Variants in RABGAP1L observed in about 807,000 individuals in gnomAD.
The protein encoded by RABGAP1L is RAB GTPase activating protein 1 like.
A neutral mutation model predicts 137.7 loss-of-function variants in RABGAP1L; 63 were observed. The ratio of observed to expected loss-of-function variants is 0.46; its 90% CI spans 0.37 to 0.56. The LOEUF is 0.56. Ranked by LOEUF, RABGAP1L falls within the 20% of genes least tolerant of loss-of-function variation. The pLI is 0.00. For synonymous variants in RABGAP1L, 431 were observed against 433.7 expected (o/e 0.99, Z 0.08); for missense variants, 1,095 against 1,244.0 (o/e 0.88, Z 1.80).
chr1:174,703,422 CTT>C (rs759228840), intron 17 of RABGAP1L, among the ~76,000 whole-genome samples: 3 of 151,878 alleles, frequency 2.0e-5, no homozygotes, highest in Non-Finnish European at 2.9e-5. Context: ...TGATTTTACT[CTT>C]TTTTTTGGCT....
At chr1:174,165,494 CTTT>C (rs36050303) in intron 1 of RABGAP1L, among the ~76,000 whole-genome samples, 3 of 140,050 alleles carry the variant, frequency 2.1e-5, no homozygotes, top group Admixed American at 7.2e-5. Context: ...ATTTGAACTA[CTTT>C]TTTTTTTTTT....
intron 14 of RABGAP1L, among the ~76,000 whole-genome samples, chr1:174,668,897 C>T (rs775379431): frequency 2.0e-5 from 3 of 151,974 alleles, no homozygotes; most frequent in African/African-American, 7.3e-5. Context: ...GCCATTTGTA[C>T]GTCTTCTTTT....
intron 4 of RABGAP1L, among the ~76,000 whole-genome samples, chr1:174,232,455 A>T (rs1230977053): frequency 1.3e-5 from 2 of 151,166 alleles, no homozygotes; most frequent in Non-Finnish European, 2.9e-5. Context: ...ACTGCACTCC[A>T]GTCTGGGTGA....
chr1:174,586,741 G>A (rs1291783163), intron 13 of RABGAP1L, among the ~76,000 whole-genome samples: 1 of 151,962 alleles, frequency 6.6e-6, no homozygotes, highest in Non-Finnish European at 1.5e-5. Flanking sequence ...GGTATTATAG[G>A]CATGCACACC....
At chr1:174,487,072 G>T (rs1445268057) in intron 13 of RABGAP1L, among the ~76,000 whole-genome samples, 1 of 151,948 alleles carries the variant, frequency 6.6e-6, no homozygotes. Flanking sequence ...TGATCCATGT[G>T]CTGAGGAAAA....
In RABGAP1L at chr1:174,537,658, A is replaced by G. The variant is rs903172526; in HGVS notation, c.1711-99717A>G. ...CCTGTACTACTATGGAGAGAGGTGTAGAGTGGTGCTACCTGAGAGCATAAC... is the reference window on the plus strand; with the variant it reads ...CCTGTACTACTATGGAGAGAGGTGTGGAGTGGTGCTACCTGAGAGCATAAC... On this transcript the variant is annotated intron_variant, in intron 13 of 25. Transcript: ENST00000681986. 3.9e-5 allele frequency among the ~76,000 whole-genome samples: 6 copies of G among 152,208 alleles called. 1 individual carries two copies. Among genetic ancestry groups the G allele is most frequent in the Non-Finnish European group, 5.9e-5 (4 of 68,018 alleles).
intron 14 of RABGAP1L, among the ~76,000 whole-genome samples, chr1:174,671,204 T>A (rs1677150947): frequency 6.6e-6 from 1 of 152,200 alleles, no homozygotes; most frequent in Non-Finnish European, 1.5e-5. Context: ...TTTACTAAAT[T>A]CATTTATTAG....
chr1:174,910,420 T>C (rs560007472), intron 19 of RABGAP1L, among the ~76,000 whole-genome samples: 2 of 152,198 alleles, frequency 1.3e-5, no homozygotes, highest in South Asian at 4.2e-4. Flanking sequence ...ACCTCAATAA[T>C]AAAGACCATA....
intron 13 of RABGAP1L, among the ~76,000 whole-genome samples, chr1:174,560,697 T>C (rs955661581): frequency 6.6e-6 from 1 of 152,190 alleles, no homozygotes; most frequent in Non-Finnish European, 1.5e-5. Flanking sequence ...AAGTAGTTTT[T>C]TGGCCATCCT....
intron 1 of RABGAP1L, among the ~76,000 whole-genome samples, chr1:174,178,824 G>A (rs1434922897): frequency 6.6e-6 from 1 of 152,152 alleles, no homozygotes; most frequent in Non-Finnish European, 1.5e-5. Flanking sequence ...ACATACTGGG[G>A]CCTATTGGGG....
At chr1:174,345,023 C>A (rs1394053158) in intron 11 of RABGAP1L, among the ~76,000 whole-genome samples, 1 of 152,164 alleles carries the variant, frequency 6.6e-6, no homozygotes, top group Non-Finnish European at 1.5e-5. Flanking sequence ...ATTTTCCCAG[C>A]ACCATTTATT....
At chr1:174,863,659 C>T (rs1272551187) in intron 19 of RABGAP1L, among the ~76,000 whole-genome samples, 12 of 138,690 alleles carry the variant, frequency 8.7e-5, no homozygotes, top group African/African-American at 2.7e-4. Context: ...GGTGACAGAG[C>T]GAGACTCCGT....
In RABGAP1L at chr1:174,761,578, A is replaced by AT. The variant is rs2148703705; in HGVS notation, c.2211+9229dup. ...GGGCCGCCTAGCAGAGGCGCTCCTC[A>AT]TTTTTCAGACGGTGCGGCCGCCAGG... On this transcript the variant is annotated intron_variant, in intron 18 of 25. Transcript: ENST00000681986. The surrounding 1 kb of genome is among the most constrained non-coding windows in gnomAD (Gnocchi z 4.0). 6.6e-6 allele frequency among the ~76,000 whole-genome samples: 1 copy of AT among 152,118 alleles called. No homozygotes were observed. The highest frequency in any genetic ancestry group is 1.9e-4 in the East Asian group (1 of 5,168).
intron 18 of RABGAP1L, among the ~76,000 whole-genome samples, chr1:174,792,238 C>G (rs1265274148): frequency 6.6e-6 from 1 of 152,144 alleles, no homozygotes; most frequent in Non-Finnish European, 1.5e-5. Context: ...GGTTTCATTA[C>G]TTTATTATTC....
At chr1:174,602,085 C>G (rs1670458849) in intron 13 of RABGAP1L, among the ~76,000 whole-genome samples, 2 of 152,180 alleles carry the variant, frequency 1.3e-5, no homozygotes, top group South Asian at 4.1e-4. Context: ...CTGTTCCAAC[C>G]TCTACCTGTT....
At chr1:174,642,889 A>G (rs1249135443) in intron 14 of RABGAP1L, among the ~76,000 whole-genome samples, 1 of 151,386 alleles carries the variant, frequency 6.6e-6, no homozygotes, top group Non-Finnish European at 1.5e-5. Flanking sequence ...GGCTCAAGCA[A>G]TCCTCCCACC....
intron 13 of RABGAP1L, among the ~76,000 whole-genome samples, chr1:174,415,799 A>G (rs903857155): frequency 7.9e-5 from 12 of 151,734 alleles, no homozygotes; most frequent in Non-Finnish European, 1.8e-4. Context: ...TTCTTTCTTT[A>G]CTTTCCAGGG....
chr1:174,906,001 A>G (rs1659011440), intron 19 of RABGAP1L, among the ~76,000 whole-genome samples: 1 of 152,164 alleles, frequency 6.6e-6, no homozygotes, highest in African/African-American at 2.4e-5. Flanking sequence ...GCTAAGCAGA[A>G]CAAGGAAGGG....
chr1:174,804,022 C>G (rs1341419212), intron 18 of RABGAP1L, among the ~76,000 whole-genome samples: 7 of 151,848 alleles, frequency 4.6e-5, no homozygotes, highest in African/African-American at 1.7e-4. Flanking sequence ...CACCACTGCA[C>G]TCCAGCCTAG....
Sources: allele counts gnomAD v4.1 joint callset (sites outside exome capture counted in the v4.1 genomes callset), GRCh38; gene constraint gnomAD v4.1.1; non-coding constraint Gnocchi (gnomAD v3.1); transcripts MANE v1.5; gene names NCBI Gene and HGNC (gene_info 2026-07-23, HGNC 2026-07-21).